L3MBTL4: variants seen among roughly 807,000 people sequenced by gnomAD.
The protein encoded by L3MBTL4 is L3MBTL histone methyl-lysine binding protein 4, also known as lethal(3)malignant brain tumor-like protein 4.
Under a neutral mutation model 84.5 loss-of-function variants are expected in L3MBTL4, and 70 were observed. The observed-to-expected ratio is 0.83, with a 90% CI of 0.68 to 1.01. The LOEUF is 1.01. L3MBTL4 is among the 50% of genes least tolerant of loss of function. L3MBTL4 has a pLI of 0.00. For synonymous variants in L3MBTL4, 274 were observed against 259.8 expected, an observed-to-expected ratio of 1.05 and a Z score of -0.52; for missense variants, 715 against 754.8, an observed-to-expected ratio of 0.95 and a Z score of 0.62.
intron 13 of L3MBTL4, among the ~76,000 whole-genome samples, chr18:6,170,543 C>T (rs1294069452): frequency 6.6e-6 from 1 of 152,094 alleles, no homozygotes; most frequent in Non-Finnish European, 1.5e-5. Flanking sequence ...TGGTTTGATG[C>T]ATAGACTCTG....
chr18:6,389,772 CT>C (rs1421823635), intron 1 of L3MBTL4, among the ~76,000 whole-genome samples: 2 of 152,054 alleles, frequency 1.3e-5, no homozygotes, highest in Non-Finnish European at 2.9e-5. Context: ...ATATATGCAC[CT>C]AACACTGGAG....
intron 4 of L3MBTL4, among the ~76,000 whole-genome samples, chr18:6,280,453 C>T (rs984745408): frequency 6.6e-6 from 1 of 152,128 alleles, no homozygotes; most frequent in Non-Finnish European, 1.5e-5. Context: ...TGACTGAAAG[C>T]CCTAAACTGT....
At chr18:6,350,302 G>A (rs1448309889) in intron 1 of L3MBTL4, among the ~76,000 whole-genome samples, 1 of 152,164 alleles carries the variant, frequency 6.6e-6, no homozygotes, top group Non-Finnish European at 1.5e-5. Flanking sequence ...TACCAAGAGA[G>A]TGGAAGGCAA....
At chr18:6,389,037 T>C (rs1312430262) in intron 1 of L3MBTL4, among the ~76,000 whole-genome samples, 1 of 152,158 alleles carries the variant, frequency 6.6e-6, no homozygotes, top group Non-Finnish European at 1.5e-5. Flanking sequence ...CTTTCTGGGC[T>C]CTGATTTGTC....
intron 16 of L3MBTL4, among the ~76,000 whole-genome samples, chr18:5,981,963 G>T (rs72873878): frequency 3.6e-5 from 5 of 138,210 alleles, no homozygotes; most frequent in Non-Finnish European, 1.6e-5. Context: ...GAACAAAAAG[G>T]TTTCAATATT....
chr18:5,958,097 G>C (rs1377461059), intron 18 of L3MBTL4, among the ~76,000 whole-genome samples: 7 of 81,352 alleles, frequency 8.6e-5, no homozygotes, highest in Non-Finnish European at 1.3e-4. Flanking sequence ...AGAAGAAGAA[G>C]AAGAAGAAGA....
rs947476199 is a variant in L3MBTL4, at chr18:6,414,854, G to C, written c.-144C>G. ...GCCGACCGAGCTACAGGCGGGGGGC[G>C]AGTCGGAGCGCGAGGTTCCGCCAGC... On this transcript the variant is annotated 5_prime_UTR_variant, in exon 1 of 19. Coordinates refer to ENST00000317931, the MANE Select transcript of L3MBTL4 (RefSeq NM_001330559.2). This position sits in a 1 kb window ranked among gnomAD's most constrained non-coding sequence, Gnocchi z 5.4. The C allele has an allele frequency of 6.6e-6, 1 of 150,396 alleles. No individual in the cohort carries two copies. Among genetic ancestry groups the C allele is most frequent in the African/African-American group, 2.4e-5 (1 of 41,212 alleles). 9.3% of individuals were successfully genotyped at this position (150,396 alleles called of 1,614,324 possible). A position where few individuals can be genotyped will look rare whatever the true frequency, so the allele number is the denominator to read the frequency against.
In L3MBTL4 at chr18:6,113,509, C is replaced by T. The variant is rs139809286; in HGVS notation, c.1200-19981G>A. On this transcript the variant is annotated intron_variant, in intron 14 of 18. Transcript: ENST00000317931. ...GCAAATAAAAAACAAAAAGTAGCAA[C>T]TTGTATTAATATAACACTTCACTTC... Among the ~76,000 whole-genome samples, 182 of 142,452 alleles carry T rather than the reference C, an allele frequency of 1.3e-3. 1 individual carries two copies. Among genetic ancestry groups the T allele is most frequent in the Middle Eastern group, 4.1e-3 (1 of 246 alleles). The allele number at this position is 142,452 out of a possible 152,430, so 93.5% of individuals were successfully genotyped here.
In L3MBTL4 at chr18:6,198,365, C is replaced by T. The variant is rs1996926; in HGVS notation, c.981+14784G>A. ...ACCAGAGAAAGAGAGAACACTACATCGAAACCCAGAAATTCTGTACCACTC... is the reference window on the plus strand; with the variant it reads ...ACCAGAGAAAGAGAGAACACTACATTGAAACCCAGAAATTCTGTACCACTC... On this transcript the variant is annotated intron_variant, in intron 12 of 18. Transcript: ENST00000317931. 4.5e-3 allele frequency among the ~76,000 whole-genome samples: 692 copies of T among 152,248 alleles called. 5 individuals are homozygous for T. The highest frequency in any genetic ancestry group is 0.016 in the African/African-American group (646 of 41,538).
At chr18:5,970,150 G>T (rs1013542889) in intron 16 of L3MBTL4, among the ~76,000 whole-genome samples, 19 of 152,218 alleles carry the variant, frequency 1.2e-4, no homozygotes, top group African/African-American at 4.6e-4. Context: ...AGCGCACCAT[G>T]ACCTCACCTG....
chr18:6,194,781 C>T (rs1488633716), intron 12 of L3MBTL4, among the ~76,000 whole-genome samples: 1 of 152,206 alleles, frequency 6.6e-6, no homozygotes, highest in African/African-American at 2.4e-5. Context: ...GGCATGGCAG[C>T]ATCCCCGATG....
chr18:6,142,537 A>G (rs1297690999), intron 13 of L3MBTL4, among the ~76,000 whole-genome samples: 1 of 152,238 alleles, frequency 6.6e-6, no homozygotes, highest in Admixed American at 6.5e-5. Context: ...TAAATAAAGA[A>G]AAATAGAGCT....
chr18:6,190,121 T>C (rs2044999387), intron 12 of L3MBTL4, among the ~76,000 whole-genome samples: 1 of 151,972 alleles, frequency 6.6e-6, no homozygotes, highest in Non-Finnish European at 1.5e-5. Flanking sequence ...GATATAGAGA[T>C]TGCCAGACTA....
At chr18:6,085,753 A>G (rs2058237649) in intron 15 of L3MBTL4, among the ~76,000 whole-genome samples, 1 of 152,194 alleles carries the variant, frequency 6.6e-6, no homozygotes, top group Non-Finnish European at 1.5e-5. Flanking sequence ...TCCTTTATAA[A>G]GCACCCAGTC....
chr18:6,198,288 C>T (rs924737844), intron 12 of L3MBTL4, among the ~76,000 whole-genome samples: 33 of 152,126 alleles, frequency 2.2e-4, no homozygotes, highest in Non-Finnish European at 4.4e-4. Context: ...GTTTCATTTC[C>T]CCACATGCTA....
chr18:6,344,203 TAA>T (rs1225157608), intron 1 of L3MBTL4, among the ~76,000 whole-genome samples: 1 of 151,830 alleles, frequency 6.6e-6, no homozygotes, highest in Non-Finnish European at 1.5e-5. Context: ...ATAAATGAAA[TAA>T]GAGACATTAC....
At chr18:6,145,421 A>G (rs1390140284) in intron 13 of L3MBTL4, among the ~76,000 whole-genome samples, 4 of 152,150 alleles carry the variant, frequency 2.6e-5, no homozygotes, top group Non-Finnish European at 5.9e-5. Flanking sequence ...ACCCTGAAGC[A>G]AATTAAGATG....
At chr18:5,961,863 G>A (rs1194447818) in intron 17 of L3MBTL4, among the ~76,000 whole-genome samples, 1 of 152,244 alleles carries the variant, frequency 6.6e-6, no homozygotes, top group African/African-American at 2.4e-5. Flanking sequence ...GAATGCCGCT[G>A]GTCAAGCTGC....
At chr18:6,309,554 G>C (rs562239636) in intron 3 of L3MBTL4, among the ~76,000 whole-genome samples, 1 of 152,182 alleles carries the variant, frequency 6.6e-6, no homozygotes, top group Non-Finnish European at 1.5e-5. Context: ...TGAAAATCTA[G>C]CTATGCAAGC....
Sources: gnomAD v4.1 joint callset for allele counts (sites outside exome capture counted in the v4.1 genomes callset) on GRCh38, gnomAD v4.1.1 for gene constraint, Gnocchi (gnomAD v3.1) non-coding constraint, MANE v1.5 for transcripts, NCBI Gene and HGNC (gene_info 2026-07-23, HGNC 2026-07-21) for gene names.